The following BPI variants were observed in gnomAD, a reference collection of about 807,000 sequenced individuals.
BPI encodes the protein bactericidal permeability increasing protein, also known as bactericidal permeability-increasing protein.
BPI carries 48 observed loss-of-function variants against 57.6 expected under a neutral mutation model. That is an observed-to-expected ratio of 0.83 (90% CI 0.66 to 1.06). The LOEUF (loss-of-function observed/expected upper bound fraction) is 1.06, where lower values mean the gene tolerates loss of function less well. BPI is among the 50% of genes least tolerant of loss of function. The pLI, the probability that BPI is intolerant of heterozygous loss-of-function variation, is 0.00. For missense variants in BPI, 651 were observed against 609.7 expected (o/e 1.07, Z -0.71); for synonymous variants, 237 against 238.2 (o/e 0.99, Z 0.05).
intron 6 of BPI, 92 bp from the exon 7 acceptor site, chr20:38,320,091 T>A: frequency 9.0e-7 from 1 of 1,108,208 alleles, no homozygotes; most frequent in East Asian, 2.4e-5. Flanking sequence ...CTGCAGCTCT[T>A]GATTCAATTT....
intron 3 of BPI, among the ~76,000 whole-genome samples, chr20:38,309,542 A>C (rs987742100): frequency 3.9e-5 from 6 of 152,110 alleles, no homozygotes; most frequent in Admixed American, 6.5e-5. Context: ...GAGGTGTAAA[A>C]AGGGAAAGCA....
Position 38,317,496 on chromosome 20 carries a change from A to G in BPI, c.601-917A>G, listed in dbSNP as rs1275914034. On this transcript the variant is annotated intron_variant, in intron 5 of 14. Transcript: ENST00000642449. Reference sequence around the variant, plus strand: ...TTGAAGGCTCAGCTCTGCTGGGACTATTGACCCAAGCCACTTCCATGGTCT... The same window carrying G: ...TTGAAGGCTCAGCTCTGCTGGGACTGTTGACCCAAGCCACTTCCATGGTCT... Among the ~76,000 whole-genome samples, 2 of 152,312 alleles carry G rather than the reference A, an allele frequency of 1.3e-5. 1 individual carries two copies. Among genetic ancestry groups the G allele is most frequent in the Middle Eastern group, 6.8e-3 (2 of 294 alleles).
chr20:38,332,872 A>G (rs1479861839), intron 12 of BPI, among the ~76,000 whole-genome samples: 1 of 152,110 alleles, frequency 6.6e-6, no homozygotes, highest in Non-Finnish European at 1.5e-5. Flanking sequence ...AGCCACACAG[A>G]GCACCTGCCC....
intron 9 of BPI, among the ~76,000 whole-genome samples, chr20:38,325,889 T>G (rs904263742): frequency 6.6e-6 from 1 of 152,178 alleles, no homozygotes; most frequent in African/African-American, 2.4e-5. Context: ...TAGTTCCCCC[T>G]TGAAGCCACT....
chr20:38,311,717 A>T (rs994076253), intron 4 of BPI, among the ~76,000 whole-genome samples, 157 bp from the exon 5 acceptor site: 3 of 151,986 alleles, frequency 2.0e-5, no homozygotes, highest in Non-Finnish European at 4.4e-5. Context: ...AATCGGGGAG[A>T]AGTGTCTGAT....
intron 9 of BPI, among the ~76,000 whole-genome samples, chr20:38,325,827 G>A (rs2076709853): frequency 6.6e-6 from 1 of 152,086 alleles, no homozygotes; most frequent in African/African-American, 2.4e-5. Flanking sequence ...GGTTTACCTG[G>A]GGGAAGATCA....
chr20:38,335,687 G>A lies in BPI; in HGVS notation c.1413+13G>A. 1.2e-6 allele frequency: 2 copies of A among 1,612,818 alleles called. No individual in the cohort carries two copies. The highest frequency in any genetic ancestry group is 2.2e-5 in the East Asian group (1 of 44,884). ...TCAGCCTCACCAGGTGAGTCCCGGA[G>A]TCTTTTCCACAAATCTCCCCTAACG... On this transcript the variant is annotated intron_variant, in intron 14 of 14. Transcript: ENST00000642449.
intron 1 of BPI, among the ~76,000 whole-genome samples, chr20:38,305,690 G>T (rs1012258664): frequency 6.6e-6 from 1 of 152,082 alleles, no homozygotes; most frequent in Non-Finnish European, 1.5e-5. Context: ...CCCCTTGTCC[G>T]CTGTGTGGCC....
At chr20:38,320,064 T>C in intron 6 of BPI, 119 bp from the exon 7 acceptor site, 1 of 831,656 alleles carries the variant, frequency 1.2e-6, no homozygotes. Flanking sequence ...CTGGAGAAGG[T>C]GGGAATGAAA....
intron 11 of BPI, 31 bp from the exon 12 acceptor site, chr20:38,331,017 T>C: frequency 4.3e-6 from 7 of 1,612,264 alleles, no homozygotes; most frequent in Non-Finnish European, 5.9e-6. Context: ...AGGCAATTGG[T>C]GGTCTCAGTC....
At chr20:38,307,121 T>A (rs965467387) in intron 1 of BPI, among the ~76,000 whole-genome samples, 1 of 152,044 alleles carries the variant, frequency 6.6e-6, no homozygotes, top group Non-Finnish European at 1.5e-5. Flanking sequence ...ATGACCTAAG[T>A]GCAGCGGGTC....
rs2076585664 is a variant in BPI at position 38,304,159 on chromosome 20, T to TTATA, written c.-64_-61dup. On this transcript the variant is annotated 5_prime_UTR_variant, in exon 1 of 15. Transcript: ENST00000642449. ...ACTTGCATTTCCCCAGCCGACTCTT[T>TTATA]TATAGCTCCCTGGTTCAACCTCAAG... 1 of 1,606,528 alleles carries TTATA rather than the reference T, an allele frequency of 6.2e-7. No homozygotes were observed. The highest frequency in any genetic ancestry group is 8.5e-7 in the Non-Finnish European group (1 of 1,174,548).
At chr20:38,329,082 A>G (rs926359353) in intron 11 of BPI, among the ~76,000 whole-genome samples, 3 of 152,184 alleles carry the variant, frequency 2.0e-5, no homozygotes, top group South Asian at 4.1e-4. Flanking sequence ...AGTTTCAGAC[A>G]TAGAGAAAGA....
chr20:38,317,684 C>G (rs1342212087), intron 5 of BPI: 4 of 833,744 alleles, frequency 4.8e-6, no homozygotes, highest in Non-Finnish European at 8.1e-6. Flanking sequence ...GACTCCATCT[C>G]TTGGTGGGGG....
intron 5 of BPI, among the ~76,000 whole-genome samples, chr20:38,313,771 G>A (rs1166117055): frequency 6.6e-6 from 1 of 151,088 alleles, no homozygotes. Context: ...TGACGGTGAT[G>A]GTGAGGTTGA....
chr20:38,335,741 A>G, intron 14 of BPI, 67 bp downstream of exon 14: 1 of 1,481,746 alleles, frequency 6.7e-7, no homozygotes. Context: ...CTATGGCTGC[A>G]ATGCTTCCTG....
chr20:38,304,441 T>C (rs947976518), intron 1 of BPI, 88 bp downstream of exon 1: 8 of 1,524,334 alleles, frequency 5.2e-6, no homozygotes, highest in Admixed American at 2.1e-5. Context: ...ATCCAGCACC[T>C]GGCACACTCA....
chr20:38,320,395 C>G, intron 7 of BPI, 121 bp downstream of exon 7: 3 of 852,802 alleles, frequency 3.5e-6, no homozygotes, highest in Non-Finnish European at 5.5e-6. Context: ...CACCACCACC[C>G]TCTCTACTCT....
Position 38,308,826 on chromosome 20 carries a change from G to A in BPI, c.246-104G>A, listed in dbSNP as rs963261296. On this transcript the variant is annotated intron_variant, in intron 2 of 14. Transcript: ENST00000642449. ...TCCTCCTGGAATGGATGGAGTGAAG[G>A]ACCAGGTGGTGGGGGACGAGTCTGC... The A allele has an allele frequency of 6.2e-6, 9 of 1,446,864 alleles. No homozygotes were observed. In the African/African-American group the frequency reaches 1.3e-4, roughly 20 times the overall value. The allele number at this position is 1,446,864 out of a possible 1,614,324, so 89.6% of individuals were successfully genotyped here.
Sources: allele counts gnomAD v4.1 joint callset (sites outside exome capture counted in the v4.1 genomes callset), GRCh38; gene constraint gnomAD v4.1.1; transcripts MANE v1.5; gene names NCBI Gene and HGNC (gene_info 2026-07-23, HGNC 2026-07-21).